Variants in ABL1 observed in about 807,000 individuals in gnomAD.
ABL1 encodes ABL proto-oncogene 1, non-receptor tyrosine kinase, also known as tyrosine-protein kinase ABL1.
Under a neutral mutation model 94.7 loss-of-function variants are expected in ABL1, and 11 were observed. The ratio of observed to expected loss-of-function variants is 0.12; its 90% confidence interval spans 0.07 to 0.19. The LOEUF is 0.19. Ranked by LOEUF, ABL1 falls within the 10% of genes least tolerant of loss-of-function variation. The pLI is 1.00. For missense variants in ABL1, 1,082 were observed against 1,489.4 expected (o/e 0.73, Z 4.50); for synonymous variants, 656 against 622.4 (o/e 1.05, Z -0.80).
chr9:130,810,475 G>C (rs755566494), intron 1 of ABL1, among the ~76,000 whole-genome samples: 1 of 152,008 alleles, frequency 6.6e-6, no homozygotes, highest in Non-Finnish European at 1.5e-5. Context: ...CAACCTGGGC[G>C]AGAGAGCAAG....
Position 130,885,119 on chromosome 9 carries a change from T to C in ABL1, c.2829T>C (p.Ser943=). The C allele has an allele frequency of 6.2e-7, 1 of 1,612,388 alleles. No individual in the cohort carries two copies. The highest frequency in any genetic ancestry group is 8.5e-7 in the Non-Finnish European group (1 of 1,179,654). ...CGAGTCTGGTTGATGCTGTGAACAG[T>C]GACGCTGCCAAGCCCAGCCAGCCGG... The part of the protein sequence containing the change: ...KATSLVDAVN[S]DAAKPSQPGE... The change falls in exon 11 of 11, where the codon AGT becomes AGC. Residue 943 remains serine, a synonymous_variant. Transcript: ENST00000318560.
At chr9:130,837,864 T>C (rs142392370) in intron 1 of ABL1, among the ~76,000 whole-genome samples, 203 of 152,340 alleles carry the variant, frequency 1.3e-3, no homozygotes, top group African/African-American at 4.7e-3. Flanking sequence ...TCAGTGTTTA[T>C]TGACGCCCAC....
chr9:130,765,656 T>G (rs1340276108), intron 1 of ABL1, among the ~76,000 whole-genome samples: 1 of 152,182 alleles, frequency 6.6e-6, no homozygotes, highest in Admixed American at 6.5e-5. Flanking sequence ...ATTTCTCTTA[T>G]AAGGAAGGAA....
Position 130,880,865 on chromosome 9 carries a change from C to T in ABL1, c.1678+201C>T, listed in dbSNP as rs113666404. Among the ~76,000 whole-genome samples the T allele has an allele frequency of 1.2e-4, 19 of 152,336 alleles. No individual in the cohort carries two copies. The highest frequency in any genetic ancestry group is 4.1e-4 in the African/African-American group (17 of 41,566). On this transcript the variant is annotated intron_variant, in intron 10 of 10. Transcript: ENST00000318560. The surrounding 1 kb of genome is among the most constrained non-coding windows in gnomAD (Gnocchi z 4.4). ...CCTATCCCCTCCCTCTGAGAGTCCC[C>T]GAGGAGCATAGGCTCCAGCAGTGAG...
intron 1 of ABL1, among the ~76,000 whole-genome samples, chr9:130,821,657 G>A: frequency 6.7e-6 from 1 of 149,752 alleles, no homozygotes; most frequent in Admixed American, 6.6e-5. Flanking sequence ...AAGTAAAATT[G>A]CTGAGTCTTT....
chr9:130,824,659 G>A (rs541949928), intron 1 of ABL1, among the ~76,000 whole-genome samples: 1 of 152,282 alleles, frequency 6.6e-6, no homozygotes, highest in Admixed American at 6.5e-5. Context: ...TAAACAAGGA[G>A]GACAGCTTTT....
chr9:130,748,479 C>T (rs2132722917), intron 1 of ABL1, among the ~76,000 whole-genome samples: 1 of 152,034 alleles, frequency 6.6e-6, no homozygotes, highest in South Asian at 2.1e-4. Flanking sequence ...GTGGTTCCAT[C>T]TTGGCTTACT....
intron 1 of ABL1, among the ~76,000 whole-genome samples, chr9:130,727,506 T>C (rs1831601933): frequency 6.6e-6 from 1 of 152,146 alleles, no homozygotes; most frequent in South Asian, 2.1e-4. Flanking sequence ...CACACGCCTG[T>C]AATCCCAGCA....
chr9:130,852,168 T>G (rs1277296571), intron 1 of ABL1, among the ~76,000 whole-genome samples: 2 of 152,096 alleles, frequency 1.3e-5, no homozygotes, highest in East Asian at 3.9e-4. Flanking sequence ...AAGGTTTACT[T>G]CAGTTAGTGA....
At position 130,876,966 on chromosome 9, in the gene ABL1, G is replaced by C. The variant is rs149032190; in HGVS notation, c.1271-1449G>C. Among the ~76,000 whole-genome samples, 789 of 146,448 alleles carry C rather than the reference G, an allele frequency of 5.4e-3. 99 individuals are homozygous for C. The highest frequency in any genetic ancestry group is 0.018 in the African/African-American group (693 of 38,096). ...GTTAGCCAGGATGGTCTCGATCTCC[G>C]GACTTCGTGATCCGCCCACCTTGGC... On this transcript the variant is annotated intron_variant, in intron 7 of 10. Transcript: ENST00000318560.
At chr9:130,771,052 T>G (rs1437183626) in intron 1 of ABL1, among the ~76,000 whole-genome samples, 1 of 152,258 alleles carries the variant, frequency 6.6e-6, no homozygotes, top group Non-Finnish European at 1.5e-5. Flanking sequence ...GTATTGGGCC[T>G]GGATAATTGG....
chr9:130,845,346 T>C (rs1476429913), intron 1 of ABL1, among the ~76,000 whole-genome samples: 3 of 151,960 alleles, frequency 2.0e-5, no homozygotes, highest in Non-Finnish European at 4.4e-5. Context: ...TCTTAACCTT[T>C]CTTTTTTTTT....
chr9:130,796,731 A>G (rs1829977805), intron 1 of ABL1, among the ~76,000 whole-genome samples: 1 of 151,784 alleles, frequency 6.6e-6, no homozygotes. Context: ...AAATAAATAA[A>G]TAAACAAAAA....
chr9:130,839,262 A>C (rs1300286805), intron 1 of ABL1, among the ~76,000 whole-genome samples: 1 of 152,112 alleles, frequency 6.6e-6, no homozygotes, highest in Non-Finnish European at 1.5e-5. Context: ...GCCCACTTTT[A>C]AATGCTTCTT....
intron 1 of ABL1, among the ~76,000 whole-genome samples, chr9:130,838,075 A>AT (rs1830615351): frequency 6.6e-6 from 1 of 152,254 alleles, no homozygotes. Flanking sequence ...ATACTGTTTT[A>AT]TTACTCTATG....
At chr9:130,780,266 G>A (rs1588236138) in intron 1 of ABL1, among the ~76,000 whole-genome samples, 3 of 152,154 alleles carry the variant, frequency 2.0e-5, no homozygotes, top group Admixed American at 6.5e-5. Context: ...CAGCCTGGGC[G>A]ACAGAGTGAG....
At chr9:130,852,275 C>T (rs982410299) in intron 1 of ABL1, among the ~76,000 whole-genome samples, 1 of 152,098 alleles carries the variant, frequency 6.6e-6, no homozygotes, top group Non-Finnish European at 1.5e-5. Flanking sequence ...CTGCAACCTC[C>T]GCCTCCCAGA....
In ABL1 at chr9:130,885,864, C is replaced by T. The variant is rs573707439; in HGVS notation, c.*181C>T. ...GCTCTACTACCTACGTTTGCACCGC[C>T]TGCCCTCCCGCACCTTCCTCCTCCC... is the stretch of plus-strand genomic sequence containing the variant. On this transcript the variant is annotated 3_prime_UTR_variant, in exon 11 of 11. Coordinates refer to ENST00000318560, the MANE Select transcript of ABL1 (RefSeq NM_005157.6). The T allele has an allele frequency of 2.3e-4, 176 of 771,482 alleles. No homozygotes were observed. Among genetic ancestry groups the T allele is most frequent in the Non-Finnish European group, 3.3e-4 (165 of 498,782 alleles). 47.8% of individuals were successfully genotyped at this position (771,482 alleles called of 1,614,324 possible).
intron 1 of ABL1, among the ~76,000 whole-genome samples, chr9:130,795,256 G>A (rs896268672): frequency 2.6e-5 from 4 of 152,150 alleles, no homozygotes; most frequent in Non-Finnish European, 5.9e-5. Flanking sequence ...TGAAGTGGGT[G>A]GTTTTAGAAT....
Sources: allele counts gnomAD v4.1 joint callset (sites outside exome capture counted in the v4.1 genomes callset), GRCh38; gene constraint gnomAD v4.1.1; non-coding constraint Gnocchi (gnomAD v3.1); transcripts MANE v1.5; gene names NCBI Gene and HGNC (gene_info 2026-07-23, HGNC 2026-07-21).